The following PGAP1 variants were observed in gnomAD, a reference collection of about 807,000 sequenced individuals.
PGAP1 encodes the protein GPI inositol-deacylase.
In PGAP1, 76 loss-of-function variants were observed where a neutral mutation model predicts 127.0. The ratio of observed to expected loss-of-function variants is 0.60; its 90% CI spans 0.50 to 0.72. PGAP1 has a LOEUF of 0.72. Ranked by LOEUF, PGAP1 falls within the 30% of genes least tolerant of loss-of-function variation. PGAP1 has a pLI of 0.00. For missense variants in PGAP1, 982 were observed against 1,071.3 expected, an observed-to-expected ratio of 0.92 and a Z score of 1.16; for synonymous variants, 362 against 366.5, an observed-to-expected ratio of 0.99 and a Z score of 0.14.
At chr2:196,852,414 C>G (rs920095202) in intron 20 of PGAP1, among the ~76,000 whole-genome samples, 2 of 151,842 alleles carry the variant, frequency 1.3e-5, no homozygotes, top group African/African-American at 4.8e-5. Flanking sequence ...CTATTAAATA[C>G]TAATAAGTGA....
Position 196,835,052 on chromosome 2 carries a change from T to C in PGAP1, c.*6182A>G, listed in dbSNP as rs556301216. 19 of 152,086 alleles carry C rather than the reference T, an allele frequency of 1.2e-4. No individual in the cohort carries two copies. The highest frequency in any genetic ancestry group is 2.5e-4 in the Non-Finnish European group (17 of 67,844). The allele number at this position is 152,086 out of a possible 1,614,324, so 9.4% of individuals were successfully genotyped here. A position where few individuals can be genotyped will look rare whatever the true frequency, so the allele number is the denominator to read the frequency against. On this transcript the variant is annotated 3_prime_UTR_variant, in exon 27 of 27. Transcript: ENST00000354764. ...TATTAAATTATGGGGAAAACTATAA[T>C]ATGAGGAACTGAAATTTCCTTAGAA...
In PGAP1 at chr2:196,843,941, T is replaced by C. The variant is rs762019443; in HGVS notation, c.2472A>G (p.Thr824=). Residue 824 remains threonine (T), a synonymous_variant, in exon 25 of 27, where the codon ACA becomes ACG. Coordinates refer to ENST00000354764, the MANE Select transcript of PGAP1 (RefSeq NM_024989.4). ...AAGGCATGCTGAGTAATACAATCCA[T>C]GTTAGTAAGTTAATCACAGTACTGT... The part of the protein sequence containing the change: ...RMHSTVINLL[T]WIVLLSMPSL... 3.5e-5 allele frequency: 56 copies of C among 1,592,474 alleles called. No individual in the cohort carries two copies. The highest frequency in any genetic ancestry group is 4.6e-5 in the Non-Finnish European group (54 of 1,167,138).
At chr2:196,912,603 A>C (rs1347982002) in intron 4 of PGAP1, among the ~76,000 whole-genome samples, 5 of 150,940 alleles carry the variant, frequency 3.3e-5, no homozygotes, top group East Asian at 3.9e-4. Context: ...AAAAAAAAAA[A>C]AAAACTAAAC....
chr2:196,860,146 T>C (rs1372532082), intron 20 of PGAP1, among the ~76,000 whole-genome samples: 1 of 147,946 alleles, frequency 6.8e-6, no homozygotes, highest in Non-Finnish European at 1.5e-5. Context: ...GTTAGAATTG[T>C]TTTTTTTTGA....
At chr2:196,868,771 T>C (rs1326361664) in intron 19 of PGAP1, among the ~76,000 whole-genome samples, 1 of 152,196 alleles carries the variant, frequency 6.6e-6, no homozygotes, top group African/African-American at 2.4e-5. Flanking sequence ...AAGTTATCTA[T>C]TGAAGGCTGA....
At chr2:196,842,183 AAATGT>A (rs1447836949) in intron 26 of PGAP1, among the ~76,000 whole-genome samples, 1 of 152,200 alleles carries the variant, frequency 6.6e-6, no homozygotes, top group Non-Finnish European at 1.5e-5. Context: ...AGGGGTTAAG[AAATGT>A]AACTAAAGAC....
chr2:196,925,882 TC>T (rs1300352376), intron 1 of PGAP1, among the ~76,000 whole-genome samples: 2 of 152,062 alleles, frequency 1.3e-5, no homozygotes, highest in African/African-American at 4.8e-5. Flanking sequence ...ATTCAATGAC[TC>T]GCCAGTTTAC....
rs557888571 is a variant in PGAP1, at chr2:196,858,936, A to G, written c.1861+6051T>C. 2.0e-5 allele frequency among the ~76,000 whole-genome samples: 3 copies of G among 152,180 alleles called. No individual in the cohort carries two copies. The South Asian group carries it at 6.2e-4, about 31-fold the overall frequency. On this transcript the variant is annotated intron_variant, in intron 20 of 26. Coordinates refer to ENST00000354764, the MANE Select transcript of PGAP1 (RefSeq NM_024989.4). ...ATATTATAAACAAATTTAACCCAAC[A>G]ACTTGAAAATCTAGAAGAGACGGAT...
chr2:196,864,013 T>C (rs114808206), intron 20 of PGAP1, among the ~76,000 whole-genome samples: 1,539 of 152,342 alleles, frequency 0.01, 23 homozygotes, highest in African/African-American at 0.035. Flanking sequence ...ACACATTATA[T>C]GAATGTGTCA....
chr2:196,854,797 A>T (rs1169986773), intron 20 of PGAP1, among the ~76,000 whole-genome samples: 1 of 152,084 alleles, frequency 6.6e-6, no homozygotes, highest in Non-Finnish European at 1.5e-5. Context: ...TCTCCTTTGA[A>T]GACAGGGTCT....
Position 196,898,330 on chromosome 2 carries a change from G to C in PGAP1, c.847C>G (p.Leu283Val). Residue 283 changes from leucine to valine, a missense_variant, in exon 6 of 27, where the codon CTC becomes GTC. Transcript: ENST00000354764. ...VPKTWVSTDH[L>V]SIVWCKQLQL... ...GTATTAACTTACCACACAATGGAGAGGTGGTCTGTTGAGACCCAGGTCTTA... is the reference window on the plus strand; with the variant it reads ...GTATTAACTTACCACACAATGGAGACGTGGTCTGTTGAGACCCAGGTCTTA... 6.2e-7 allele frequency: 1 copy of C among 1,608,980 alleles called. No individual in the cohort carries two copies. Among genetic ancestry groups the C allele is most frequent in the Non-Finnish European group, 8.5e-7 (1 of 1,176,304 alleles).
chr2:196,873,324 A>T (rs1348980048), intron 16 of PGAP1, among the ~76,000 whole-genome samples: 1 of 152,092 alleles, frequency 6.6e-6, no homozygotes, highest in East Asian at 1.9e-4. Context: ...TGGATATTTA[A>T]ACTGAAACAG....
In PGAP1 at chr2:196,838,763, G is replaced by A. The variant is rs1027985172; in HGVS notation, c.*2471C>T. 3.3e-5 allele frequency: 5 copies of A among 152,176 alleles called. No individual in the cohort carries two copies. Among genetic ancestry groups the A allele is most frequent in the African/African-American group, 9.7e-5 (4 of 41,436 alleles). The allele number at this position is 152,176 out of a possible 1,614,324, so 9.4% of individuals were successfully genotyped here. Reference sequence around the variant, plus strand: ...CTGCTGCTTTAAAAAGTAAATGTACGGCTGGGCGTGGTGGCTCACGCCTGT... The same window carrying A: ...CTGCTGCTTTAAAAAGTAAATGTACAGCTGGGCGTGGTGGCTCACGCCTGT... On this transcript the variant is annotated 3_prime_UTR_variant, in exon 27 of 27. Transcript: ENST00000354764.
intron 20 of PGAP1, among the ~76,000 whole-genome samples, chr2:196,853,910 A>ATTTTTTTT (rs59361073): frequency 7.7e-6 from 1 of 130,444 alleles, no homozygotes. Context: ...CCAAAGATGA[A>ATTTTTTTT]TTTTTTTTTT....
chr2:196,922,242 C>A, intron 1 of PGAP1: 2 of 1,239,948 alleles, frequency 1.6e-6, no homozygotes, highest in Non-Finnish European at 1.1e-6. Flanking sequence ...TAGAAAAATG[C>A]TGATTTAAGA....
At chr2:196,873,280 A>G (rs191607199) in intron 16 of PGAP1, among the ~76,000 whole-genome samples, 26 of 152,212 alleles carry the variant, frequency 1.7e-4, no homozygotes, top group Admixed American at 1.3e-3. Context: ...AATTACTACT[A>G]TAAGACATAA....
chr2:196,923,848 C>T (rs1703288740), intron 1 of PGAP1, among the ~76,000 whole-genome samples: 2 of 152,136 alleles, frequency 1.3e-5, no homozygotes, highest in South Asian at 4.1e-4. Flanking sequence ...TTAGGTTACA[C>T]ATACGAAGAT....
chr2:196,876,857 A>T (rs1701584862), intron 13 of PGAP1, among the ~76,000 whole-genome samples: 1 of 151,978 alleles, frequency 6.6e-6, no homozygotes, highest in Admixed American at 6.6e-5. Flanking sequence ...AAAAGAAAAA[A>T]CTTTTAAGGG....
At chr2:196,900,071 T>C (rs2125825371) in intron 5 of PGAP1, among the ~76,000 whole-genome samples, 1 of 151,888 alleles carries the variant, frequency 6.6e-6, no homozygotes, top group South Asian at 2.1e-4. Context: ...ACAAAGTGAG[T>C]TTTTTCTAAT....
Sources: allele counts gnomAD v4.1 joint callset (sites outside exome capture counted in the v4.1 genomes callset), GRCh38; gene constraint gnomAD v4.1.1; transcripts MANE v1.5; gene names NCBI Gene and HGNC (gene_info 2026-07-23, HGNC 2026-07-21).